The following SUGCT variants were observed in gnomAD, a reference collection of about 807,000 sequenced individuals.
SUGCT encodes succinyl-CoA:glutarate-CoA transferase.
SUGCT carries 41 observed loss-of-function variants against 55.0 expected under a neutral mutation model. The observed-to-expected ratio is 0.74, with a 90% confidence interval of 0.58 to 0.97. The LOEUF (loss-of-function observed/expected upper bound fraction) is 0.97, where lower values mean the gene tolerates loss of function less well. Ranked by LOEUF, SUGCT falls within the 50% of genes least tolerant of loss-of-function variation. The pLI, the probability that SUGCT is intolerant of heterozygous loss-of-function variation, is 0.00. For missense variants in SUGCT, 568 were observed against 547.8 expected (o/e 1.04, Z -0.37); for synonymous variants, 187 against 200.4 (o/e 0.93, Z 0.56).
the SUGCT span, among the ~76,000 whole-genome samples, chr7:40,986,954 A>T: frequency 6.6e-6 from 1 of 152,168 alleles, no homozygotes; most frequent in Non-Finnish European, 1.5e-5. Flanking sequence ...TATCACTTAC[A>T]CCTTATTTGC....
chr7:40,994,400 A>AC, the SUGCT span, among the ~76,000 whole-genome samples: 53,594 of 130,990 alleles, frequency 0.41, 9,606 homozygotes, highest in Middle Eastern at 0.46. Flanking sequence ...TCAAAGAGTC[A>AC]CCCCCCCATT....
chr7:40,600,218 C>G (rs1163321621), intron 12 of SUGCT, among the ~76,000 whole-genome samples: 2 of 152,174 alleles, frequency 1.3e-5, no homozygotes, highest in Non-Finnish European at 1.5e-5. Context: ...TTTCCAACAA[C>G]AGAGTTCCTG....
At chr7:40,854,786 A>G (rs565036986) in intron 13 of SUGCT, among the ~76,000 whole-genome samples, 1 of 151,884 alleles carries the variant, frequency 6.6e-6, no homozygotes, top group South Asian at 2.1e-4. Context: ...TTTTTTTTAA[A>G]TTAGCCTGCT....
intron 7 of SUGCT, among the ~76,000 whole-genome samples, chr7:40,270,366 A>G (rs1403240886): frequency 2.0e-5 from 3 of 151,972 alleles, no homozygotes; most frequent in Non-Finnish European, 4.4e-5. Context: ...ATTTACTCCT[A>G]TATTTTCTTT....
At chr7:40,649,415 T>A (rs547390682) in intron 12 of SUGCT, among the ~76,000 whole-genome samples, 77 of 152,228 alleles carry the variant, frequency 5.1e-4, no homozygotes, top group African/African-American at 1.4e-3. Context: ...GGGGGAAGGA[T>A]TGAGAGATTA....
chr7:40,949,477 A>G, the SUGCT span, among the ~76,000 whole-genome samples: 1,704 of 152,118 alleles, frequency 0.011, 34 homozygotes, highest in African/African-American at 0.039. Context: ...CCATTTGTCA[A>G]TTTTGGCTTT....
intron 12 of SUGCT, among the ~76,000 whole-genome samples, chr7:40,726,954 C>T (rs906939077): frequency 3.3e-5 from 5 of 152,274 alleles, no homozygotes; most frequent in Non-Finnish European, 5.9e-5. Flanking sequence ...GCAAAGCTCT[C>T]GAGACAGAGT....
intron 1 of SUGCT, among the ~76,000 whole-genome samples, chr7:40,137,572 G>T (rs916312969): frequency 2.0e-5 from 3 of 152,148 alleles, no homozygotes; most frequent in African/African-American, 7.2e-5. Context: ...CAAAAGCCAT[G>T]CTCTTTTTAA....
At chr7:40,521,236 A>T (rs998929391) in intron 12 of SUGCT, among the ~76,000 whole-genome samples, 4 of 152,086 alleles carry the variant, frequency 2.6e-5, no homozygotes, top group Non-Finnish European at 5.9e-5. Context: ...TGCTGTTCTC[A>T]TGATAGTGAG....
intron 13 of SUGCT, among the ~76,000 whole-genome samples, chr7:40,838,849 T>TA (rs1793129031): frequency 6.6e-6 from 1 of 152,184 alleles, no homozygotes; most frequent in Admixed American, 6.5e-5. Context: ...TATAGTCTTT[T>TA]ATCATTAAGT....
chr7:40,245,421 A>ATATATATATATATATATATT (rs1789765025), intron 7 of SUGCT, among the ~76,000 whole-genome samples: 1 of 39,902 alleles, frequency 2.5e-5, no homozygotes, highest in Non-Finnish European at 4.7e-5. Flanking sequence ...ATATATATAT[A>ATATATATATATATATATATT]TATTTTTTTT....
At chr7:40,376,495 G>A (rs1437560015) in intron 9 of SUGCT, among the ~76,000 whole-genome samples, 5 of 151,662 alleles carry the variant, frequency 3.3e-5, no homozygotes, top group Admixed American at 2.6e-4. Flanking sequence ...GGGTTTAAGC[G>A]ATTCTCCTGC....
At chr7:40,561,242 C>T (rs1795820772) in intron 12 of SUGCT, among the ~76,000 whole-genome samples, 2 of 152,186 alleles carry the variant, frequency 1.3e-5, no homozygotes, top group South Asian at 4.1e-4. Flanking sequence ...TTACCAAAAG[C>T]TGGAGTGGCA....
At chr7:40,529,046 A>G (rs965833727) in intron 12 of SUGCT, among the ~76,000 whole-genome samples, 1 of 152,222 alleles carries the variant, frequency 6.6e-6, no homozygotes, top group African/African-American at 2.4e-5. Flanking sequence ...GACAGAACAC[A>G]TGGGAAATTC....
At chr7:40,319,897 A>C (rs1293190016) in intron 9 of SUGCT, among the ~76,000 whole-genome samples, 2 of 152,162 alleles carry the variant, frequency 1.3e-5, no homozygotes, top group Admixed American at 1.3e-4. Flanking sequence ...ATCATAGCTT[A>C]CTGCAGCCTC....
intron 12 of SUGCT, among the ~76,000 whole-genome samples, chr7:40,575,125 T>TGGGGGGGGGGGGGGGGG: frequency 7.3e-6 from 1 of 137,034 alleles, no homozygotes; most frequent in African/African-American, 3.2e-5. Context: ...GTGGCGGGGG[T>TGGGGGGGGGGGGGGGGG]GGGGGTGGAG....
the SUGCT span, among the ~76,000 whole-genome samples, chr7:41,017,595 C>A: frequency 6.6e-6 from 1 of 151,828 alleles, no homozygotes. Flanking sequence ...ACAATGAAAC[C>A]CCGTCTCTAC....
chr7:40,153,463 T>C (rs528169129), intron 1 of SUGCT: 4 of 360,204 alleles, frequency 1.1e-5, no homozygotes, highest in African/African-American at 8.6e-5. Flanking sequence ...ACTGTGGGCA[T>C]GGCATTGACT....
chr7:40,225,522 T>C (rs1306546073), intron 6 of SUGCT, among the ~76,000 whole-genome samples: 1 of 151,642 alleles, frequency 6.6e-6, no homozygotes, highest in Non-Finnish European at 1.5e-5. Flanking sequence ...CTGCAACCTC[T>C]GCCTGCCGGG....
Sources: gnomAD v4.1 joint callset for allele counts (sites outside exome capture counted in the v4.1 genomes callset) on GRCh38, gnomAD v4.1.1 for gene constraint, MANE v1.5 for transcripts, NCBI Gene and HGNC (gene_info 2026-07-23, HGNC 2026-07-21) for gene names.